GPC6: variants seen among roughly 807,000 people sequenced by gnomAD.
GPC6 encodes the protein glypican-6.
In GPC6, 14 loss-of-function variants were observed where a neutral mutation model predicts 55.2. The ratio of observed to expected loss-of-function variants is 0.25; its 90% confidence interval spans 0.17 to 0.40. The LOEUF (loss-of-function observed/expected upper bound fraction) is 0.40, where lower values mean the gene tolerates loss of function less well. Among genes scored for constraint, GPC6 ranks in the 10% least tolerant of loss-of-function variants. GPC6 has a pLI of 1.00. For synonymous variants in GPC6, 278 were observed against 259.6 expected (o/e 1.07, Z -0.68); for missense variants, 641 against 708.5 (o/e 0.90, Z 1.08).
intron 3 of GPC6, among the ~76,000 whole-genome samples, chr13:93,972,769 A>C (rs2032231233): frequency 6.6e-6 from 1 of 152,140 alleles, no homozygotes; most frequent in South Asian, 2.1e-4. Flanking sequence ...CCTTCACCCC[A>C]ATGAGATGCA....
chr13:94,116,489 G>T (rs1011425208), intron 4 of GPC6, among the ~76,000 whole-genome samples: 11 of 152,008 alleles, frequency 7.2e-5, no homozygotes, highest in Admixed American at 3.3e-4. Flanking sequence ...GAATTCACAT[G>T]CATAAAAGGT....
At chr13:94,120,597 A>G (rs1340403208) in intron 4 of GPC6, among the ~76,000 whole-genome samples, 1 of 152,088 alleles carries the variant, frequency 6.6e-6, no homozygotes, top group Non-Finnish European at 1.5e-5. Flanking sequence ...GCATTTTACA[A>G]CTGAGAAAAC....
chr13:94,323,445 CAT>C (rs1566674631), intron 6 of GPC6, among the ~76,000 whole-genome samples: 1 of 152,194 alleles, frequency 6.6e-6, no homozygotes, highest in Non-Finnish European at 1.5e-5. Flanking sequence ...CAATAACAAT[CAT>C]AGATTAAGCT....
chr13:93,769,535 A>G (rs1299901973), intron 2 of GPC6, among the ~76,000 whole-genome samples: 8 of 152,030 alleles, frequency 5.3e-5, no homozygotes, highest in Non-Finnish European at 7.4e-5. Flanking sequence ...CAAACCTCCA[A>G]ACCCAGGCAC....
At chr13:93,339,914 A>T (rs1036896353) in intron 1 of GPC6, among the ~76,000 whole-genome samples, 2 of 152,184 alleles carry the variant, frequency 1.3e-5, no homozygotes, top group African/African-American at 4.8e-5. Flanking sequence ...TACCTGTGGG[A>T]AAACTAGAAT....
intron 2 of GPC6, among the ~76,000 whole-genome samples, chr13:93,700,486 C>G (rs1210868200): frequency 3.3e-5 from 5 of 152,092 alleles, no homozygotes; most frequent in Non-Finnish European, 7.4e-5. Context: ...TTACAGAAAT[C>G]TCCTGGGCTG....
intron 3 of GPC6, among the ~76,000 whole-genome samples, chr13:93,838,706 G>A (rs964480910): frequency 3.3e-5 from 5 of 152,118 alleles, no homozygotes; most frequent in Non-Finnish European, 5.9e-5. Context: ...CAATTAACCA[G>A]ACAAGGGGTG....
rs1388771074 is a variant in GPC6, at chr13:93,853,812, A to G, written c.711+23267A>G. ...GTTCATTTTTATAATTTTATTTTTA[A>G]TATTTGTGTTATTGTTGTCCTCACG... On this transcript the variant is annotated intron_variant, in intron 3 of 8. Coordinates refer to ENST00000377047, the MANE Select transcript of GPC6 (RefSeq NM_005708.5). 4.0e-5 allele frequency among the ~76,000 whole-genome samples: 6 copies of G among 151,804 alleles called. 1 individual carries two copies. In the South Asian group the frequency reaches 1.0e-3, roughly 26 times the overall value.
At chr13:94,134,017 C>T (rs1887099093) in intron 4 of GPC6, among the ~76,000 whole-genome samples, 1 of 152,060 alleles carries the variant, frequency 6.6e-6, no homozygotes, top group Non-Finnish European at 1.5e-5. Flanking sequence ...AAGAAAACAG[C>T]AAAATCAACA....
intron 6 of GPC6, among the ~76,000 whole-genome samples, chr13:94,330,227 T>C (rs1050363303): frequency 1.5e-4 from 23 of 152,002 alleles, no homozygotes; most frequent in African/African-American, 4.8e-4. Context: ...CTAGTAATAA[T>C]TTTTAGGATC....
chr13:93,731,240 C>T (rs1165542045), intron 2 of GPC6, among the ~76,000 whole-genome samples: 1 of 152,106 alleles, frequency 6.6e-6, no homozygotes, highest in Non-Finnish European at 1.5e-5. Context: ...TTTTATGGCT[C>T]TTTCTGGATC....
chr13:93,672,378 A>G (rs1244721388), intron 2 of GPC6, among the ~76,000 whole-genome samples: 4 of 152,040 alleles, frequency 2.6e-5, no homozygotes, highest in African/African-American at 4.8e-5. Flanking sequence ...GATTTTTACC[A>G]CGGATATTAG....
At chr13:94,025,633 A>G (rs1396306011) in intron 3 of GPC6, 1 of 152,118 alleles carries the variant, frequency 6.6e-6, no homozygotes, top group African/African-American at 2.4e-5. Flanking sequence ...GCCTGTCTGG[A>G]GATTACATAA....
intron 6 of GPC6, among the ~76,000 whole-genome samples, chr13:94,373,162 C>G (rs1307285626): frequency 6.6e-6 from 1 of 152,160 alleles, no homozygotes; most frequent in Non-Finnish European, 1.5e-5. Context: ...AGCGCCTCTC[C>G]TCCTCCAAAG....
chr13:93,796,009 C>T (rs1341111261), intron 2 of GPC6, among the ~76,000 whole-genome samples: 1 of 151,468 alleles, frequency 6.6e-6, no homozygotes, highest in African/African-American at 2.4e-5. Context: ...CGTAGGGAGA[C>T]CCCGTCTCCG....
At chr13:93,481,150 T>C (rs1455714442) in intron 1 of GPC6, among the ~76,000 whole-genome samples, 1 of 152,178 alleles carries the variant, frequency 6.6e-6, no homozygotes, top group African/African-American at 2.4e-5. Context: ...TAAAGTGGTA[T>C]CTCATTGTGG....
At chr13:94,154,836 A>G (rs920566800) in intron 4 of GPC6, among the ~76,000 whole-genome samples, 3 of 152,042 alleles carry the variant, frequency 2.0e-5, no homozygotes, top group Non-Finnish European at 4.4e-5. Flanking sequence ...AACCCAAATT[A>G]TTTTCCCATT....
chr13:93,620,519 T>C (rs1878904777), intron 2 of GPC6, among the ~76,000 whole-genome samples: 1 of 152,230 alleles, frequency 6.6e-6, no homozygotes, highest in South Asian at 2.1e-4. Context: ...TTGGTCTAAG[T>C]CATGAGTAAA....
Position 94,270,998 on chromosome 13 carries a change from T to A in GPC6, c.878-15351T>A, listed in dbSNP as rs1479723799. The stretch of plus-strand genomic sequence containing the variant: ...TTTTTTTTTTTTTTTTTTTTTTTTT[T>A]TTTTTTTCTGAGACGGAGTCTCGCT... On this transcript the variant is annotated intron_variant, in intron 4 of 8. Coordinates refer to ENST00000377047, the MANE Select transcript of GPC6 (RefSeq NM_005708.5). Among the ~76,000 whole-genome samples the A allele has an allele frequency of 5.6e-4, 42 of 75,446 alleles. 1 individual carries two copies. The highest frequency in any genetic ancestry group is 2.4e-3 in the African/African-American group (41 of 17,210). The allele number at this position is 75,446 out of a possible 152,430, so 49.5% of individuals were successfully genotyped here. A position where few individuals can be genotyped will look rare whatever the true frequency, so the allele number is the denominator to read the frequency against.
Sources: allele counts gnomAD v4.1 joint callset (sites outside exome capture counted in the v4.1 genomes callset), GRCh38; gene constraint gnomAD v4.1.1; transcripts MANE v1.5; gene names NCBI Gene and HGNC (gene_info 2026-07-23, HGNC 2026-07-21).